Variants in COL9A3 observed in about 807,000 individuals in gnomAD.
The protein encoded by COL9A3 is collagen type IX alpha 3 chain.
In COL9A3, 82 loss-of-function variants were observed where a neutral mutation model predicts 110.2. That is an observed-to-expected ratio of 0.74 (90% CI 0.62 to 0.89). COL9A3 has a LOEUF of 0.89. Ranked by LOEUF, COL9A3 falls within the 40% of genes least tolerant of loss-of-function variation. The pLI is 0.00. For synonymous variants in COL9A3, 494 were observed against 403.8 expected, an observed-to-expected ratio of 1.22 and a Z score of -2.68; for missense variants, 1,066 against 981.3, an observed-to-expected ratio of 1.09 and a Z score of -1.15.
chr20:62,825,710 G>C lies in COL9A3; in HGVS notation c.631-107G>C, dbSNP rs2734515. On this transcript the variant is annotated intron_variant, in intron 12 of 31. Transcript: ENST00000649368. ...GAGCCTCCAAGGCCCAGCTGTGAAG[G>C]GGGCAACACCCCCAGCTGCTTGGGC... The C allele has an allele frequency of 0.15, 177,054 of 1,154,028 alleles. 14,326 individuals are homozygous for C. The highest frequency in any genetic ancestry group is 0.16 in the Non-Finnish European group (126,165 of 785,790). 71.5% of individuals were successfully genotyped at this position (1,154,028 alleles called of 1,614,324 possible).
chr20:62,827,311 T>C lies in COL9A3; in HGVS notation c.846+17T>C. The C allele has an allele frequency of 6.2e-7, 1 of 1,612,140 alleles. No homozygotes were observed. Among genetic ancestry groups the C allele is most frequent in the Non-Finnish European group, 8.5e-7 (1 of 1,179,314 alleles). ...GGTGACCTCGTAAGTGAGAGGGAAG[T>C]TGGTTCCCTGGGTCCTTATGTGGAA... On this transcript the variant is annotated intron_variant, in intron 16 of 31. Coordinates refer to ENST00000649368, the MANE Select transcript of COL9A3 (RefSeq NM_001853.4).
At chr20:62,828,463 G>A (rs536420042) in intron 17 of COL9A3, among the ~76,000 whole-genome samples, 266 of 152,352 alleles carry the variant, frequency 1.7e-3, no homozygotes, top group African/African-American at 6.1e-3. Flanking sequence ...TTTCCCCACC[G>A]TAAAATGGGC....
Position 62,837,016 on chromosome 20 carries a change from G to A in COL9A3, c.1604-67G>A, listed in dbSNP as rs2063641677. On this transcript the variant is annotated intron_variant, in intron 29 of 31. Transcript: ENST00000649368. ...AGACAGCACCGTGTAGATATTTTAT[G>A]CTTTACGTAACAATACTTCTGATGA... The A allele has an allele frequency of 1.1e-5, 17 of 1,578,976 alleles. No homozygotes were observed. In the South Asian group the frequency reaches 1.9e-4, roughly 17 times the overall value.
intron 24 of COL9A3, chr20:62,831,527 T>G: frequency 6.2e-6 from 1 of 160,872 alleles, no homozygotes; most frequent in Admixed American, 6.0e-5. Flanking sequence ...TAGCGGGCTG[T>G]TTATTGGCCT....
chr20:62,828,948 C>CG lies in COL9A3; in HGVS notation c.983dup (p.Glu329ArgfsTer31). 1 of 1,610,874 alleles carries CG rather than the reference C, an allele frequency of 6.2e-7. No homozygotes were observed. The highest frequency in any genetic ancestry group is 2.2e-5 in the East Asian group (1 of 44,834). On this transcript the variant is annotated frameshift_variant, in exon 19 of 32. Transcript: ENST00000649368. LOFTEE classifies it high-confidence loss of function. ...GGAGAGGCTGGTCGCAACGGTGCTCCGGGAGAGAAGGGCCCCAACGGGCTG... is the reference window on the plus strand; with the variant it reads ...GGAGAGGCTGGTCGCAACGGTGCTCCGGGGAGAGAAGGGCCCCAACGGGCTG...
intron 6 of COL9A3, 69 bp from the exon 7 acceptor site, chr20:62,821,438 T>A: frequency 6.2e-7 from 1 of 1,602,814 alleles, no homozygotes; most frequent in Non-Finnish European, 8.5e-7. Flanking sequence ...ACCTGAGCCA[T>A]CTTAGGGAGG....
At chr20:62,830,474 C>A in intron 23 of COL9A3, 43 bp from the exon 24 acceptor site, 1 of 1,596,740 alleles carries the variant, frequency 6.3e-7, no homozygotes. Flanking sequence ...GGGCCAGACC[C>A]GACAGGGTAT....
chr20:62,826,456 T>C (rs2063553475), intron 14 of COL9A3, among the ~76,000 whole-genome samples, 199 bp downstream of exon 14: 2 of 152,158 alleles, frequency 1.3e-5, no homozygotes, highest in African/African-American at 4.8e-5. Context: ...CAGTCGGCGC[T>C]CACTGATGCC....
intron 19 of COL9A3, 134 bp downstream of exon 19, chr20:62,829,110 G>A: frequency 9.9e-7 from 1 of 1,008,564 alleles, no homozygotes; most frequent in Non-Finnish European, 1.5e-6. Context: ...TGTCCATCAG[G>A]GCCTGGCACA....
chr20:62,835,975 C>A, intron 27 of COL9A3, 22 bp downstream of exon 27: 1 of 1,614,162 alleles, frequency 6.2e-7, no homozygotes, highest in South Asian at 1.1e-5. Flanking sequence ...GCGACTGTTC[C>A]GATGACACCA....
intron 24 of COL9A3, chr20:62,831,081 C>G (rs1344467955): frequency 6.6e-6 from 1 of 152,314 alleles, no homozygotes; most frequent in African/African-American, 2.4e-5. Context: ...AGAGCCACGC[C>G]TGCTCCCGCC....
At position 62,818,521 on chromosome 20, in the gene COL9A3, G is replaced by A. The variant is rs775311995; in HGVS notation, c.151G>A (p.Glu51Lys). Residue 51 changes from glutamate (E) to lysine (K), a missense_variant, in exon 3 of 32, where the codon GAA becomes AAA. Transcript: ENST00000649368. ...GKPGQDGIDG[E>K]AGPPGLPGPP... ...ATGTGGGTGTCTTTCCTCACAGGGA[G>A]AAGCTGGTCCTCCAGGTCTGCCTGG... is the stretch of plus-strand genomic sequence containing the variant. 1 of 1,613,000 alleles carries A rather than the reference G, an allele frequency of 6.2e-7. No individual in the cohort carries two copies. The highest frequency in any genetic ancestry group is 8.5e-7 in the Non-Finnish European group (1 of 1,179,958).
intron 31 of COL9A3, among the ~76,000 whole-genome samples, 190 bp from the exon 32 acceptor site, chr20:62,840,352 G>A (rs1367166864): frequency 2.0e-5 from 3 of 152,002 alleles, no homozygotes; most frequent in East Asian, 1.9e-4. Context: ...GGCCTTCCCC[G>A]GACACTCCCG....
chr20:62,837,327 A>G, intron 30 of COL9A3, 62 bp downstream of exon 30: 1 of 1,546,286 alleles, frequency 6.5e-7, no homozygotes, highest in South Asian at 1.1e-5. Context: ...CTGACTTGTT[A>G]GTAGGCGCTG....
chr20:62,822,453 G>A (rs1242215288), intron 9 of COL9A3, 138 bp from the exon 10 acceptor site: 1 of 952,812 alleles, frequency 1.0e-6, no homozygotes. Context: ...CTGGCCACTT[G>A]GGGGACAGGA....
At chr20:62,819,621 G>A (rs540762009) in intron 4 of COL9A3, among the ~76,000 whole-genome samples, 74 of 152,318 alleles carry the variant, frequency 4.9e-4, no homozygotes, top group African/African-American at 1.7e-3. Context: ...CCAGGGCCAC[G>A]GAGTTTTGTT....
In COL9A3 at chr20:62,841,068, C is replaced by G. The variant is rs2063674955; in HGVS notation, c.*336C>G. 3.8e-6 allele frequency: 1 copy of G among 266,164 alleles called. No individual in the cohort carries two copies. The highest frequency in any genetic ancestry group is 2.3e-5 in the African/African-American group (1 of 44,300). The allele number at this position is 266,164 out of a possible 1,614,324, so 16.5% of individuals were successfully genotyped here. On this transcript the variant is annotated 3_prime_UTR_variant, in exon 32 of 32. Coordinates refer to ENST00000649368, the MANE Select transcript of COL9A3 (RefSeq NM_001853.4). Reference sequence around the variant, plus strand: ...TTGTGTAAAGACTATGATCTCATCCCAATAAAATGATATATTAAACCTTCA... The same window carrying G: ...TTGTGTAAAGACTATGATCTCATCCGAATAAAATGATATATTAAACCTTCA...
chr20:62,819,094 A>G (rs1402225719), intron 3 of COL9A3, 128 bp from the exon 4 acceptor site: 21 of 923,314 alleles, frequency 2.3e-5, no homozygotes, highest in Non-Finnish European at 3.7e-5. Flanking sequence ...AGTAGGGGGG[A>G]CCCAGGAGAG....
chr20:62,836,304 C>A lies in COL9A3; in HGVS notation c.1519C>A (p.Pro507Thr). 1 of 1,613,860 alleles carries A rather than the reference C, an allele frequency of 6.2e-7. No individual in the cohort carries two copies. Reference sequence around the variant, plus strand: ...GGGCCTGCAGGGCGTCCCGGGTGTTCCTGGCATCACGGGGAAGCCGGGAGT... The same window carrying A: ...GGGCCTGCAGGGCGTCCCGGGTGTTACTGGCATCACGGGGAAGCCGGGAGT... ...PLGLQGVPGVPGITGKPGVPG... is the reference protein window; with the variant it reads ...PLGLQGVPGVTGITGKPGVPG... The change falls in exon 28 of 32, where the codon CCT becomes ACT. Residue 507 changes from proline to threonine, a missense_variant. Physicochemically the swap from Pro to Thr is conservative, Grantham distance 38 (BLOSUM62 -1). Coordinates refer to ENST00000649368, the MANE Select transcript of COL9A3 (RefSeq NM_001853.4).
Sources: allele counts gnomAD v4.1 joint callset (sites outside exome capture counted in the v4.1 genomes callset), GRCh38; gene constraint gnomAD v4.1.1; transcripts MANE v1.5; gene names NCBI Gene and HGNC (gene_info 2026-07-23, HGNC 2026-07-21).